Variants in F5 observed in about 807,000 individuals in gnomAD.
The protein encoded by F5 is coagulation factor V, also known as activated protein c cofactor.
F5 carries 138 observed loss-of-function variants against 216.4 expected under a neutral mutation model. The ratio of observed to expected loss-of-function variants is 0.64; its 90% CI spans 0.56 to 0.73. The LOEUF (loss-of-function observed/expected upper bound fraction) is 0.73, where lower values mean the gene tolerates loss of function less well. Ranked by LOEUF, F5 falls within the 30% of genes least tolerant of loss-of-function variation. F5 has a pLI of 0.00. For synonymous variants in F5, 916 were observed against 930.7 expected (o/e 0.98, Z 0.29); for missense variants, 2,403 against 2,674.0 (o/e 0.90, Z 2.24).
At chr1:169,525,852 T>A (rs374240509) in intron 18 of F5, 49 bp downstream of exon 18, 3 of 1,265,774 alleles carry the variant, frequency 2.4e-6, no homozygotes, top group Non-Finnish European at 3.5e-6. Flanking sequence ...AATATTCTAG[T>A]AATAGGCACT....
chr1:169,552,784 C>A, intron 7 of F5, 50 bp from the exon 8 acceptor site: 1 of 1,364,412 alleles, frequency 7.3e-7, no homozygotes, highest in Non-Finnish European at 1.0e-6. Flanking sequence ...ATAGAGATCT[C>A]GGTAGGATGG....
chr1:169,529,119 C>T (rs1009401982), intron 16 of F5, among the ~76,000 whole-genome samples: 1 of 152,108 alleles, frequency 6.6e-6, no homozygotes. Flanking sequence ...TACCTGGGTA[C>T]CTAGTTTCTT....
At chr1:169,518,624 A>G (rs1366610276) in intron 22 of F5, 61 bp from the exon 23 acceptor site, 2 of 1,532,372 alleles carry the variant, frequency 1.3e-6, no homozygotes, top group Non-Finnish European at 1.8e-6. Flanking sequence ...GGCTTCATGC[A>G]CTGCAGAGGA....
At chr1:169,536,817 A>G in intron 13 of F5, 137 bp from the exon 14 acceptor site, 1 of 649,666 alleles carries the variant, frequency 1.5e-6, no homozygotes. Flanking sequence ...ATGAGTAAAT[A>G]TATAAGTGGA....
At chr1:169,555,456 G>A in intron 6 of F5, 109 bp from the exon 7 acceptor site, 2 of 1,200,546 alleles carry the variant, frequency 1.7e-6, no homozygotes, top group Non-Finnish European at 2.4e-6. Context: ...AATATAATAA[G>A]AGTGAAAGTA....
chr1:169,525,268 G>A (rs182946362), intron 18 of F5, among the ~76,000 whole-genome samples: 94 of 152,200 alleles, frequency 6.2e-4, no homozygotes, highest in African/African-American at 2.2e-3. Context: ...AGGCCGAGGG[G>A]GGAGGATTAC....
At chr1:169,521,363 G>T (rs9332654) in intron 21 of F5, among the ~76,000 whole-genome samples, 8,210 of 152,160 alleles carry the variant, frequency 0.054, 349 homozygotes, top group Admixed American at 0.1. Context: ...TATCAGTGGA[G>T]GCCAAATGGG....
intron 3 of F5, among the ~76,000 whole-genome samples, chr1:169,571,926 A>G (rs1660732397): frequency 6.6e-5 from 10 of 152,120 alleles, no homozygotes; most frequent in Admixed American, 6.6e-4. Context: ...CCATCTTTCA[A>G]TGTATGTATT....
At chr1:169,521,791 T>TA (rs1659315651) in intron 21 of F5, among the ~76,000 whole-genome samples, 3 of 151,476 alleles carry the variant, frequency 2.0e-5, no homozygotes, top group Admixed American at 1.3e-4. Context: ...TAATTTTTTT[T>TA]AATATTTTTA....
chr1:169,531,168 T>A, intron 14 of F5, 146 bp from the exon 15 acceptor site: 1 of 666,666 alleles, frequency 1.5e-6, no homozygotes, highest in Non-Finnish European at 2.6e-6. Flanking sequence ...TTATTTCATT[T>A]AATTTTCATA....
At chr1:169,547,066 C>T (rs901671811) in intron 10 of F5, among the ~76,000 whole-genome samples, 1 of 151,866 alleles carries the variant, frequency 6.6e-6, no homozygotes, top group Non-Finnish European at 1.5e-5. Context: ...GCCGAGGGGC[C>T]GAGGCAGGAG....
In F5 at chr1:169,575,883, T is replaced by C. The variant is rs116105715; in HGVS notation, c.251-3540A>G. 2.8e-3 allele frequency among the ~76,000 whole-genome samples: 426 copies of C among 152,260 alleles called. 3 individuals carry two copies. Among genetic ancestry groups the C allele is most frequent in the Middle Eastern group, 6.8e-3 (2 of 294 alleles). On this transcript the variant is annotated intron_variant, in intron 2 of 24. Transcript: ENST00000367797. ...ACTTTATATGGCAAAAGGGACTGTG[T>C]ATCTATGATTAAGAATCTTGAGATG...
In F5 at chr1:169,530,852, C is replaced by T. The variant is rs1191204752; in HGVS notation, c.5142G>A (p.Glu1714=). The T allele has an allele frequency of 1.9e-6, 3 of 1,613,856 alleles. No individual in the cohort carries two copies. The highest frequency in any genetic ancestry group is 1.7e-5 in the Admixed American group (1 of 59,972). ...AGCCAGGACTTTCTGGCCCTGATCGCTCAGTGGCATGCCATACGTAGGTAT... is the reference window on the plus strand; with the variant it reads ...AGCCAGGACTTTCTGGCCCTGATCGTTCAGTGGCATGCCATACGTAGGTAT... ...SSYTYVWHAT[E]RSGPESPGSA... The change falls in exon 15 of 25, where the codon GAG becomes GAA. Residue 1714 remains glutamate (E), a synonymous_variant. Transcript: ENST00000367797.
chr1:169,521,916 GC>G (rs1416998039), intron 21 of F5, among the ~76,000 whole-genome samples: 7 of 145,834 alleles, frequency 4.8e-5, no homozygotes, highest in African/African-American at 1.5e-4. Context: ...ACTGCGCCCG[GC>G]CAAGAAGATT....
Position 169,541,462 on chromosome 1 carries a change from G to A in F5, c.3628C>T (p.His1210Tyr). The A allele has an allele frequency of 6.2e-7, 1 of 1,614,090 alleles. No individual in the cohort carries two copies. Among genetic ancestry groups the A allele is most frequent in the Non-Finnish European group, 8.5e-7 (1 of 1,179,986 alleles). The change falls in exon 13 of 25, where the codon CAC (histidine) becomes TAC (tyrosine). Residue 1210 changes from histidine (H) to tyrosine (Y), a missense_variant. By Grantham distance (83) the His-to-Tyr change is moderately conservative. Around this residue, in one of 4 missense-constraint regions of F5, gnomAD observed 1,425 missense variants for 1,554.8 expected, o/e 0.92. Transcript: ENST00000367797. ...ATGAGTTCTGGAGAGAGAGTCGTGT[G>A]GCTGAGGTCTGGAGAGAGGTTTGTC... ...SQTNLSPDLS[H>Y]TTLSPELIQR...
intron 4 of F5, among the ~76,000 whole-genome samples, chr1:169,559,933 G>A (rs1018314260): frequency 2.0e-5 from 3 of 152,060 alleles, no homozygotes; most frequent in Non-Finnish European, 2.9e-5. Context: ...AGTCCATCAC[G>A]TTATTTCCCA....
intron 21 of F5, among the ~76,000 whole-genome samples, chr1:169,521,778 G>C (rs1234662210): frequency 7.1e-6 from 1 of 141,110 alleles, no homozygotes; most frequent in African/African-American, 2.5e-5. Context: ...ACGCCACCCT[G>C]CCTAATTTTT....
At chr1:169,523,158 C>A in intron 21 of F5, 39 bp downstream of exon 21, 1 of 1,610,358 alleles carries the variant, frequency 6.2e-7, no homozygotes, top group South Asian at 1.1e-5. Flanking sequence ...TAGGCCAAGT[C>A]TAGAGTCTAG....
intron 7 of F5, among the ~76,000 whole-genome samples, chr1:169,553,467 G>A (rs1042429284): frequency 2.0e-5 from 3 of 152,228 alleles, no homozygotes; most frequent in Admixed American, 1.3e-4. Flanking sequence ...TCAGCACTTT[G>A]GGAGGCCGAG....
Sources: allele counts gnomAD v4.1 joint callset (sites outside exome capture counted in the v4.1 genomes callset), GRCh38; gene constraint gnomAD v4.1.1; regional missense constraint gnomAD v4.1.1; transcripts MANE v1.5; gene names NCBI Gene and HGNC (gene_info 2026-07-23, HGNC 2026-07-21).